CHSY3: variants seen among roughly 807,000 people sequenced by gnomAD.
CHSY3 encodes N-acetylgalactosaminyl-proteoglycan 3-beta-glucuronosyltransferase 3.
CHSY3 carries 35 observed loss-of-function variants against 67.2 expected under a neutral mutation model. That is an observed-to-expected ratio of 0.52 (90% confidence interval 0.40 to 0.69). CHSY3 has a LOEUF of 0.69. Ranked by LOEUF, CHSY3 falls within the 30% of genes least tolerant of loss-of-function variation. The pLI, the probability that CHSY3 is intolerant of heterozygous loss-of-function variation, is 0.00. For missense variants in CHSY3, 1,069 were observed against 1,138.5 expected, an observed-to-expected ratio of 0.94 and a Z score of 0.88; for synonymous variants, 474 against 434.7, an observed-to-expected ratio of 1.09 and a Z score of -1.12.
At chr5:130,123,977 T>C (rs1768156022) in intron 2 of CHSY3, among the ~76,000 whole-genome samples, 2 of 138,534 alleles carry the variant, frequency 1.4e-5, no homozygotes, top group Middle Eastern at 4.1e-3. Flanking sequence ...GAGGCGGAGC[T>C]TGCAGTGAGC....
At chr5:130,170,891 G>A (rs984188238) in intron 2 of CHSY3, among the ~76,000 whole-genome samples, 43 of 151,812 alleles carry the variant, frequency 2.8e-4, no homozygotes, top group African/African-American at 9.7e-4. Flanking sequence ...TTTTTCAGAG[G>A]TCTTGAAAGC....
At chr5:130,091,146 G>A (rs72795761) in intron 2 of CHSY3, among the ~76,000 whole-genome samples, 47,903 of 149,456 alleles carry the variant, frequency 0.32, 7,665 homozygotes, top group South Asian at 0.42. Context: ...GCACACGCGC[G>A]CACACACACA....
intron 2 of CHSY3, among the ~76,000 whole-genome samples, chr5:130,145,930 A>G (rs1175268545): frequency 6.6e-6 from 1 of 152,160 alleles, no homozygotes; most frequent in Non-Finnish European, 1.5e-5. Flanking sequence ...TAGAATGGCT[A>G]TCATTAAAAA....
chr5:129,976,496 A>T (rs879852648), intron 2 of CHSY3, among the ~76,000 whole-genome samples: 2 of 152,164 alleles, frequency 1.3e-5, no homozygotes, highest in Non-Finnish European at 2.9e-5. Flanking sequence ...CTAAAAATAC[A>T]GTGGATTGTC....
chr5:130,003,873 A>C (rs1268334301), intron 2 of CHSY3, among the ~76,000 whole-genome samples: 1 of 152,202 alleles, frequency 6.6e-6, no homozygotes, highest in Non-Finnish European at 1.5e-5. Context: ...TTTTTTGGGA[A>C]AAATCCAACC....
chr5:130,139,448 T>C (rs1416879540), intron 2 of CHSY3, among the ~76,000 whole-genome samples: 1 of 152,226 alleles, frequency 6.6e-6, no homozygotes, highest in Non-Finnish European at 1.5e-5. Context: ...GATTAGAGTA[T>C]GTATGATAAC....
Position 129,920,044 on chromosome 5 carries a change from A to T in CHSY3, c.1086+11684A>T, listed in dbSNP as rs115523721. Among the ~76,000 whole-genome samples the T allele has an allele frequency of 4.9e-3, 743 of 152,250 alleles. 9 individuals carry two copies. Among genetic ancestry groups the T allele is most frequent in the African/African-American group, 0.017 (706 of 41,544 alleles). On this transcript the variant is annotated intron_variant, in intron 2 of 2. Transcript: ENST00000305031. ...ACCATGCTGTGCAACAGATTCAATTAAAAAAACAAACTTTTTCTATCTAAT... is the reference window on the plus strand; with the variant it reads ...ACCATGCTGTGCAACAGATTCAATTTAAAAAACAAACTTTTTCTATCTAAT...
At chr5:130,177,188 A>AATATATATATGAAT (rs1554088276) in intron 2 of CHSY3, among the ~76,000 whole-genome samples, 1 of 147,440 alleles carries the variant, frequency 6.8e-6, no homozygotes, top group Non-Finnish European at 1.5e-5. Flanking sequence ...TATATATATG[A>AATATATATATGAAT]ATATATATAT....
At chr5:130,144,239 C>T (rs1358681927) in intron 2 of CHSY3, among the ~76,000 whole-genome samples, 2 of 151,918 alleles carry the variant, frequency 1.3e-5, no homozygotes, top group African/African-American at 4.8e-5. Context: ...CTTCCTAAAA[C>T]TCCAAGTGGA....
At chr5:130,038,997 C>T (rs1173512880) in intron 2 of CHSY3, among the ~76,000 whole-genome samples, 1 of 151,964 alleles carries the variant, frequency 6.6e-6, no homozygotes, top group Non-Finnish European at 1.5e-5. Context: ...ACGAATATTT[C>T]TATATCGTAA....
chr5:130,108,330 T>G (rs999183808), intron 2 of CHSY3, among the ~76,000 whole-genome samples: 1 of 151,634 alleles, frequency 6.6e-6, no homozygotes, highest in African/African-American at 2.4e-5. Flanking sequence ...ATTATCCTCC[T>G]GCGTTAGTGT....
chr5:129,930,515 G>GC (rs1247742435), intron 2 of CHSY3, among the ~76,000 whole-genome samples: 11 of 145,642 alleles, frequency 7.6e-5, no homozygotes, highest in Admixed American at 6.9e-4. Context: ...TGGCGGGGGG[G>GC]GGGTATGAAG....
chr5:130,032,211 T>C (rs1764723108), intron 2 of CHSY3, among the ~76,000 whole-genome samples: 1 of 152,158 alleles, frequency 6.6e-6, no homozygotes, highest in African/African-American at 2.4e-5. Context: ...TGGCAGCCTT[T>C]ATGTTTGCAA....
rs77464308 is a variant in CHSY3 at position 129,995,277 on chromosome 5, T to C, written c.1086+86917T>C. On this transcript the variant is annotated intron_variant, in intron 2 of 2. Transcript: ENST00000305031. ...AGTCTTTTTGACCATTTTATACAAA[T>C]GATGTATTTTTCTTATTGATTTGTA... is the stretch of plus-strand genomic sequence containing the variant. 9.7e-3 allele frequency among the ~76,000 whole-genome samples: 1,472 copies of C among 152,238 alleles called. 24 individuals carry two copies. The highest frequency in any genetic ancestry group is 0.034 in the African/African-American group (1,399 of 41,554).
chr5:129,928,311 G>A (rs1761184283), intron 2 of CHSY3, among the ~76,000 whole-genome samples: 1 of 150,664 alleles, frequency 6.6e-6, no homozygotes, highest in African/African-American at 2.4e-5. Flanking sequence ...AATTTACATG[G>A]CTTGGCCAAA....
chr5:129,907,840 T>C (rs1474388469), intron 1 of CHSY3, among the ~76,000 whole-genome samples: 1 of 152,244 alleles, frequency 6.6e-6, no homozygotes, highest in East Asian at 1.9e-4. Flanking sequence ...TTGTCAGAGC[T>C]GTTAAGGTTT....
chr5:129,905,235 G>T lies in CHSY3; in HGVS notation c.406G>T (p.Glu136Ter). ...GAPAAEGEPE[E>*]EDGGAAGQRR... Reference sequence around the variant, plus strand: ...TCCAGCGGCCGAGGGGGAGCCCGAGGAGGAGGACGGGGGCGCGGCTGGGCA... The same window carrying T: ...TCCAGCGGCCGAGGGGGAGCCCGAGTAGGAGGACGGGGGCGCGGCTGGGCA... Residue 136 changes from glutamate (E) to a stop codon, truncating the protein, a stop_gained, in exon 1 of 3, where the codon GAG becomes TAG. Transcript: ENST00000305031. LOFTEE classifies it high-confidence loss of function. The T allele has an allele frequency of 6.7e-7, 1 of 1,489,688 alleles. No individual in the cohort carries two copies. Among genetic ancestry groups the T allele is most frequent in the Non-Finnish European group, 8.9e-7 (1 of 1,126,582 alleles). 92.3% of individuals were successfully genotyped at this position (1,489,688 alleles called of 1,614,324 possible).
chr5:130,038,746 AG>A (rs1166426774), intron 2 of CHSY3, among the ~76,000 whole-genome samples: 3 of 152,142 alleles, frequency 2.0e-5, no homozygotes, highest in African/African-American at 7.2e-5. Flanking sequence ...CATGCTGGGT[AG>A]GGAATGGTTT....
At chr5:130,169,779 G>A (rs764983892) in intron 2 of CHSY3, among the ~76,000 whole-genome samples, 5 of 151,620 alleles carry the variant, frequency 3.3e-5, no homozygotes, top group Admixed American at 6.6e-5. Flanking sequence ...GTATTTGAAA[G>A]CGTTCAAAAC....
Sources: gnomAD v4.1 joint callset for allele counts (sites outside exome capture counted in the v4.1 genomes callset) on GRCh38, gnomAD v4.1.1 for gene constraint, MANE v1.5 for transcripts, NCBI Gene and HGNC (gene_info 2026-07-23, HGNC 2026-07-21) for gene names.